The following GPR174 variants were observed in gnomAD, a reference collection of about 807,000 sequenced individuals.
The protein encoded by GPR174 is probable G protein-coupled receptor 174.
A neutral mutation model predicts 16.5 loss-of-function variants in GPR174; 8 were observed. The observed-to-expected ratio is 0.48, with a 90% confidence interval of 0.28 to 0.87. The LOEUF (loss-of-function observed/expected upper bound fraction) is 0.87. Ranked by LOEUF, GPR174 falls within the 40% of genes least tolerant of loss-of-function variation. GPR174 has a pLI of 0.09. For missense variants in GPR174, 214 were observed against 247.5 expected (o/e 0.86, Z 0.91); for synonymous variants, 111 against 94.8 (o/e 1.17, Z -0.99).
chrX:79,171,403 A>G lies in GPR174; in HGVS notation c.396A>G (p.Lys132=). Residue 132 remains lysine, a synonymous_variant, in exon 3 of 3, where the codon AAA becomes AAG. Transcript: ENST00000645147. ...TTCGCTTCCATGACTGCAAACAGAAATATGACCTGTACATCAGCATTGCTG... is the reference window on the plus strand; with the variant it reads ...TTCGCTTCCATGACTGCAAACAGAAGTATGACCTGTACATCAGCATTGCTG... ...YPFRFHDCKQ[K]YDLYISIAGW... is the part of the protein sequence containing the mutation. The G allele has an allele frequency of 1.1e-5, 13 of 1,211,974 alleles. No homozygotes were observed. Among genetic ancestry groups the G allele is most frequent in the Non-Finnish European group, 1.5e-5 (13 of 895,566 alleles).
intron 1 of GPR174, among the ~76,000 whole-genome samples, chrX:79,148,269 T>A (rs760437540): frequency 2.7e-5 from 3 of 111,303 alleles, no homozygotes; most frequent in Non-Finnish European, 5.7e-5. Flanking sequence ...TATGCAAATA[T>A]CTCACCAAGT....
intron 2 of GPR174, among the ~76,000 whole-genome samples, chrX:79,166,417 T>C (rs1367892726): frequency 1.0e-5 from 1 of 100,150 alleles, no homozygotes; most frequent in African/African-American, 3.6e-5. Flanking sequence ...GGATCTTTTT[T>C]TTCTTTTCTT....
chrX:79,148,515 A>G (rs1243547407), intron 1 of GPR174, among the ~76,000 whole-genome samples: 3 of 111,554 alleles, frequency 2.7e-5, no homozygotes, highest in Non-Finnish European at 3.8e-5. Context: ...GATATTTCTT[A>G]TAAATCAATG....
rs1056399296 is a variant in GPR174, at chrX:79,145,122, C to A, written c.-749C>A. On this transcript the variant is annotated 5_prime_UTR_variant, in exon 1 of 3. Transcript: ENST00000645147. ...GATTGGTTATTTTCAGAACAGGCAG[C>A]CTAAATTGATGCACAAATCAGTAGC... is the stretch of plus-strand genomic sequence containing the variant. 9.2e-6 allele frequency: 1 copy of A among 108,281 alleles called. No individual in the cohort carries two copies. The highest frequency in any genetic ancestry group is 3.4e-5 in the African/African-American group (1 of 29,657). The allele number at this position is 108,281 out of a possible 1,213,427, so 8.9% of individuals were successfully genotyped here.
In GPR174 at chrX:79,174,196, A is replaced by T; in HGVS notation, c.*2187A>T. 9.1e-6 allele frequency: 1 copy of T among 109,410 alleles called. No individual in the cohort carries two copies. The highest frequency in any genetic ancestry group is 2.9e-4 in the East Asian group (1 of 3,446). 9.0% of individuals were successfully genotyped at this position (109,410 alleles called of 1,213,427 possible). On this transcript the variant is annotated 3_prime_UTR_variant, in exon 3 of 3. Transcript: ENST00000645147. The stretch of plus-strand genomic sequence containing the variant: ...AGGCAGCCCATTTACATCATTCCAA[A>T]AAAGGACCAGTATTCAGTGTTATGC...
intron 1 of GPR174, among the ~76,000 whole-genome samples, chrX:79,149,244 C>T (rs371104029): frequency 8.9e-6 from 1 of 112,170 alleles, no homozygotes; most frequent in Non-Finnish European, 1.9e-5. Context: ...ATCCTTATGA[C>T]AATAGCATTC....
chrX:79,169,638 A>G (rs908179372), intron 2 of GPR174, among the ~76,000 whole-genome samples: 2 of 111,712 alleles, frequency 1.8e-5, no homozygotes, highest in South Asian at 3.8e-4. Context: ...CTTCCCACAC[A>G]TATCTTTAAA....
chrX:79,154,789 G>A (rs1158524105), intron 1 of GPR174, among the ~76,000 whole-genome samples: 2 of 111,024 alleles, frequency 1.8e-5, no homozygotes, highest in African/African-American at 6.5e-5. Context: ...TTAGTGATAA[G>A]GCCAAGACTA....
In GPR174 at chrX:79,156,929, A is replaced by AC. The variant is rs1379579965; in HGVS notation, c.-557+12dup. The AC allele has an allele frequency of 8.9e-6, 1 of 112,177 alleles. No individual in the cohort carries two copies. The highest frequency in any genetic ancestry group is 3.2e-5 in the African/African-American group (1 of 30,826). The allele number at this position is 112,177 out of a possible 1,213,427, so 9.2% of individuals were successfully genotyped here. A position where few individuals can be genotyped will look rare whatever the true frequency, so the allele number is the denominator to read the frequency against. On this transcript the variant is annotated intron_variant, in intron 2 of 2. Transcript: ENST00000645147. ...CGAAGAAAACAGCAGGTAGTCAAATACAGTCTTGACTTCTATTTCTGCATC... is the reference window on the plus strand; with the variant it reads ...CGAAGAAAACAGCAGGTAGTCAAATACCAGTCTTGACTTCTATTTCTGCATC...
intron 2 of GPR174, among the ~76,000 whole-genome samples, chrX:79,159,673 A>C (rs780438907): frequency 2.7e-5 from 3 of 111,810 alleles, no homozygotes; most frequent in Non-Finnish European, 5.7e-5. Context: ...TCTAGAGTCC[A>C]TGTTCTTTTT....
At chrX:79,165,946 T>A (rs1921350833) in intron 2 of GPR174, among the ~76,000 whole-genome samples, 1 of 111,828 alleles carries the variant, frequency 8.9e-6, no homozygotes, top group Non-Finnish European at 1.9e-5. Context: ...ATGTTCATGT[T>A]TTCTCTGAGA....
At position 79,166,532 on chromosome X, in the gene GPR174, G is replaced by A. The variant is rs189530963; in HGVS notation, c.-556-3920G>A. Among the ~76,000 whole-genome samples, 289 of 91,468 alleles carry A rather than the reference G, an allele frequency of 3.2e-3. 3 individuals carry two copies. The East Asian group carries it at 0.046, about 15-fold the overall frequency. 79.4% of individuals were successfully genotyped at this position (91,468 alleles called of 115,157 possible). A position where few individuals can be genotyped will look rare whatever the true frequency, so the allele number is the denominator to read the frequency against. ...CGGCTCATTGAAATCTCTGCCTCCC[G>A]GGTTCAAGCGATTCTCCTGCCTCAG... On this transcript the variant is annotated intron_variant, in intron 2 of 2. Transcript: ENST00000645147.
rs1921496740 is a variant in GPR174, at chrX:79,170,902, C to T, written c.-106C>T. Reference sequence around the variant, plus strand: ...AAAAGAGGAAGGTTATTTTATACTTCGTATCTCCAACCCACTGGCAATCAA... The same window carrying T: ...AAAAGAGGAAGGTTATTTTATACTTTGTATCTCCAACCCACTGGCAATCAA... On this transcript the variant is annotated 5_prime_UTR_variant, in exon 3 of 3. Transcript: ENST00000645147. 14 of 649,451 alleles carry T rather than the reference C, an allele frequency of 2.2e-5. No homozygotes were observed. Among genetic ancestry groups the T allele is most frequent in the Non-Finnish European group, 3.1e-5 (13 of 424,209 alleles). 53.5% of individuals were successfully genotyped at this position (649,451 alleles called of 1,213,427 possible).
Position 79,144,939 on chromosome X carries a change from T to A in GPR174, c.-932T>A, listed in dbSNP as rs1384223301. 1 of 102,997 alleles carries A rather than the reference T, an allele frequency of 9.7e-6. No individual in the cohort carries two copies. The highest frequency in any genetic ancestry group is 4.0e-5 in the African/African-American group (1 of 25,004). The allele number at this position is 102,997 out of a possible 1,213,427, so 8.5% of individuals were successfully genotyped here. A position where few individuals can be genotyped will look rare whatever the true frequency, so the allele number is the denominator to read the frequency against. ...TTCCCTCCTTCCTCTCCTTTCCTTT[T>A]CTTTCTTTCTTTTTCTTTCTTTCTT... On this transcript the variant is annotated 5_prime_UTR_variant, in exon 1 of 3. Coordinates refer to ENST00000645147, the MANE Select transcript of GPR174 (RefSeq NM_032553.3).
At chrX:79,166,502 G>C (rs923013834) in intron 2 of GPR174, among the ~76,000 whole-genome samples, 1 of 81,680 alleles carries the variant, frequency 1.2e-5, no homozygotes, top group East Asian at 4.6e-4. Context: ...GCAGTGGCTC[G>C]ATCTCGGCTC....
At position 79,171,718 on chromosome X, in the gene GPR174, G is replaced by T; in HGVS notation, c.711G>T (p.Gly237=). 2.5e-6 allele frequency: 3 copies of T among 1,210,876 alleles called. No homozygotes were observed. The highest frequency in any genetic ancestry group is 3.4e-6 in the Non-Finnish European group (3 of 895,129). The change falls in exon 3 of 3, where the codon GGG becomes GGT. Residue 237 remains glycine (G), a synonymous_variant. Coordinates refer to ENST00000645147, the MANE Select transcript of GPR174 (RefSeq NM_032553.3). Reference sequence around the variant, plus strand: ...TGAAGATGATTCTAACCTGTGCAGGGGTATTCCTAATTTGCTTTGCACCTT... The same window carrying T: ...TGAAGATGATTCTAACCTGTGCAGGTGTATTCCTAATTTGCTTTGCACCTT... The part of the protein sequence containing the change: ...KALKMILTCA[G]VFLICFAPYH...
At chrX:79,164,182 G>C (rs1445864283) in intron 2 of GPR174, among the ~76,000 whole-genome samples, 2 of 111,010 alleles carry the variant, frequency 1.8e-5, no homozygotes, top group African/African-American at 6.6e-5. Context: ...AGCCTTTAAG[G>C]TTAATCTAGG....
intron 1 of GPR174, among the ~76,000 whole-genome samples, chrX:79,146,720 T>C (rs1367416287): frequency 8.9e-6 from 1 of 111,909 alleles, no homozygotes; most frequent in Non-Finnish European, 1.9e-5. Flanking sequence ...TGAATAAACA[T>C]AAAATGAGTC....
At chrX:79,166,885 T>C (rs1921385972) in intron 2 of GPR174, among the ~76,000 whole-genome samples, 1 of 111,872 alleles carries the variant, frequency 8.9e-6, no homozygotes. Flanking sequence ...CTGTCTTTGC[T>C]GGCAAGCTGC....
Sources: allele counts gnomAD v4.1 joint callset (sites outside exome capture counted in the v4.1 genomes callset), GRCh38; gene constraint gnomAD v4.1.1; transcripts MANE v1.5; gene names NCBI Gene and HGNC (gene_info 2026-07-23, HGNC 2026-07-21).